MAGI1: variants seen among roughly 807,000 people sequenced by gnomAD.
MAGI1 encodes the protein membrane-associated guanylate kinase, WW and PDZ domain-containing protein 1.
In MAGI1, 58 loss-of-function variants were observed where a neutral mutation model predicts 139.9. The ratio of observed to expected loss-of-function variants is 0.41; its 90% CI spans 0.34 to 0.52. The LOEUF is 0.52. Among genes scored for constraint, MAGI1 ranks in the 20% least tolerant of loss-of-function variants. The pLI, the probability that MAGI1 is intolerant of heterozygous loss-of-function variation, is 0.12. For synonymous variants in MAGI1, 812 were observed against 737.9 expected, an observed-to-expected ratio of 1.10 and a Z score of -1.63; for missense variants, 1,874 against 1,901.6, an observed-to-expected ratio of 0.99 and a Z score of 0.27.
chr3:65,487,449 T>C (rs1226985373), intron 3 of MAGI1, among the ~76,000 whole-genome samples: 1 of 152,090 alleles, frequency 6.6e-6, no homozygotes, highest in African/African-American at 2.4e-5. Flanking sequence ...CAAAGGGAAA[T>C]AAAAGCATCC....
At chr3:65,549,344 T>A in intron 2 of MAGI1, 2 of 794,906 alleles carry the variant, frequency 2.5e-6, no homozygotes, top group Non-Finnish European at 3.0e-6. Flanking sequence ...CCTTCCTCCC[T>A]TCCTAACCCC....
At chr3:65,502,512 C>T (rs1164784163) in intron 2 of MAGI1, among the ~76,000 whole-genome samples, 2 of 152,188 alleles carry the variant, frequency 1.3e-5, no homozygotes, top group Non-Finnish European at 2.9e-5. Flanking sequence ...GTCCCAGCTA[C>T]AAGGGAAGCT....
chr3:65,728,033 C>T (rs1389503897), intron 1 of MAGI1, among the ~76,000 whole-genome samples: 2 of 152,104 alleles, frequency 1.3e-5, no homozygotes, highest in South Asian at 2.1e-4. Flanking sequence ...TAGTCTGTTT[C>T]CTAATACAGG....
At chr3:65,439,511 T>C (rs1948088595) in intron 9 of MAGI1, among the ~76,000 whole-genome samples, 1 of 152,158 alleles carries the variant, frequency 6.6e-6, no homozygotes, top group African/African-American at 2.4e-5. Context: ...AATTAAAAGT[T>C]AGTTTCATGC....
At chr3:65,470,797 T>G (rs1950513775) in intron 4 of MAGI1, among the ~76,000 whole-genome samples, 1 of 152,138 alleles carries the variant, frequency 6.6e-6, no homozygotes, top group African/African-American at 2.4e-5. Context: ...CTCAAACTCT[T>G]AAACTAAGAA....
At chr3:65,466,815 T>C (rs1262991163) in intron 5 of MAGI1, among the ~76,000 whole-genome samples, 1 of 152,214 alleles carries the variant, frequency 6.6e-6, no homozygotes, top group Non-Finnish European at 1.5e-5. Flanking sequence ...CTTGGCCTTT[T>C]CTGACGCCAC....
intron 1 of MAGI1, among the ~76,000 whole-genome samples, chr3:65,657,238 T>C (rs1050484808): frequency 6.6e-6 from 1 of 151,816 alleles, no homozygotes; most frequent in Non-Finnish European, 1.5e-5. Flanking sequence ...ATACAATAAG[T>C]GTGGCACTGG....
intron 1 of MAGI1, among the ~76,000 whole-genome samples, chr3:65,735,356 C>CGTGTGTGTGTGTGTGTGTGTGTGTGT (rs368243061): frequency 1.3e-5 from 2 of 148,182 alleles, no homozygotes; most frequent in African/African-American, 5.0e-5. Flanking sequence ...TGTGTCTGCA[C>CGTGTGTGTGTGTGTGTGTGTGTGTGT]GTGTGTGTGT....
intron 2 of MAGI1, among the ~76,000 whole-genome samples, chr3:65,601,796 T>C (rs535876716): frequency 1.3e-5 from 2 of 149,876 alleles, no homozygotes; most frequent in South Asian, 2.1e-4. Context: ...CTGAAAACAA[T>C]ATCACCAAGT....
chr3:65,714,982 A>G (rs1261187241), intron 1 of MAGI1, among the ~76,000 whole-genome samples: 2 of 152,080 alleles, frequency 1.3e-5, no homozygotes, highest in African/African-American at 4.8e-5. Flanking sequence ...AATCTGGACA[A>G]AGGATGGTGA....
Position 65,493,390 on chromosome 3 carries a change from C to G in MAGI1, c.550+122G>C, listed in dbSNP as rs143656631. On this transcript the variant is annotated intron_variant, in intron 3 of 22. Transcript: ENST00000402939. ...CTATTATTCGTCATATTAAGGTGAACTGAAATCTCCTGTTATTTGTTTAGA... is the reference window on the plus strand; with the variant it reads ...CTATTATTCGTCATATTAAGGTGAAGTGAAATCTCCTGTTATTTGTTTAGA... The G allele has an allele frequency of 3.4e-4, 381 of 1,107,564 alleles. 1 individual carries two copies. In the African/African-American group the frequency reaches 5.3e-3, roughly 15 times the overall value. The allele number at this position is 1,107,564 out of a possible 1,614,324, so 68.6% of individuals were successfully genotyped here. A position where few individuals can be genotyped will look rare whatever the true frequency, so the allele number is the denominator to read the frequency against.
intron 1 of MAGI1, among the ~76,000 whole-genome samples, chr3:65,870,314 T>C (rs1047136202): frequency 1.3e-5 from 2 of 151,976 alleles, no homozygotes; most frequent in Non-Finnish European, 2.9e-5. Flanking sequence ...GTTTCATTCA[T>C]TAAGTGAAAG....
intron 12 of MAGI1, among the ~76,000 whole-genome samples, chr3:65,403,237 T>A (rs932512048): frequency 2.6e-5 from 4 of 152,172 alleles, no homozygotes; most frequent in Non-Finnish European, 4.4e-5. Context: ...CTCAAATGTC[T>A]ACACCTTTTC....
chr3:65,711,696 G>C (rs569629757), intron 1 of MAGI1, among the ~76,000 whole-genome samples: 1 of 152,294 alleles, frequency 6.6e-6, no homozygotes, highest in East Asian at 1.9e-4. Context: ...ACAAGAATGA[G>C]CATGTATCCA....
At chr3:65,440,121 A>G (rs990672288) in intron 8 of MAGI1, 109 bp from the exon 9 acceptor site, 5 of 1,194,670 alleles carry the variant, frequency 4.2e-6, no homozygotes, top group Non-Finnish European at 6.1e-6. Context: ...GTGGTCTGAG[A>G]TGCTAACCCT....
At chr3:65,358,893 T>C in intron 22 of MAGI1, among the ~76,000 whole-genome samples, 1 of 152,238 alleles carries the variant, frequency 6.6e-6, no homozygotes, top group East Asian at 1.9e-4. Flanking sequence ...TTATGCCTAC[T>C]TTTAAGACAA....
At chr3:65,800,069 C>A (rs569519448) in intron 1 of MAGI1, among the ~76,000 whole-genome samples, 53 of 152,320 alleles carry the variant, frequency 3.5e-4, no homozygotes, top group Non-Finnish European at 6.2e-4. Context: ...TGGCGTTGGG[C>A]ATGTTACTTT....
intron 5 of MAGI1, among the ~76,000 whole-genome samples, chr3:65,460,309 T>G (rs1949686646): frequency 6.6e-6 from 1 of 152,192 alleles, no homozygotes; most frequent in African/African-American, 2.4e-5. Flanking sequence ...CATTTATGCC[T>G]TTTTTGTACT....
chr3:65,603,500 A>G (rs1260820166), intron 2 of MAGI1, among the ~76,000 whole-genome samples: 1 of 152,232 alleles, frequency 6.6e-6, no homozygotes, highest in Admixed American at 6.5e-5. Context: ...CATGCATTAA[A>G]TTTTCTGTCT....
Sources: gnomAD v4.1 joint callset for allele counts (sites outside exome capture counted in the v4.1 genomes callset) on GRCh38, gnomAD v4.1.1 for gene constraint, MANE v1.5 for transcripts, NCBI Gene and HGNC (gene_info 2026-07-23, HGNC 2026-07-21) for gene names.